Variants in ARHGAP28 observed in about 807,000 individuals in gnomAD.
The protein encoded by ARHGAP28 is rho GTPase-activating protein 28.
In ARHGAP28, 56 loss-of-function variants were observed where a neutral mutation model predicts 90.7. The observed-to-expected ratio is 0.62, with a 90% CI of 0.50 to 0.77. The LOEUF is 0.77. Among genes scored for constraint, ARHGAP28 ranks in the 30% least tolerant of loss-of-function variants. The pLI, the probability that ARHGAP28 is intolerant of heterozygous loss-of-function variation, is 0.00. For synonymous variants in ARHGAP28, 308 were observed against 323.3 expected (o/e 0.95, Z 0.51); for missense variants, 869 against 900.9 (o/e 0.96, Z 0.45).
chr18:6,756,209 G>T lies in ARHGAP28; in HGVS notation c.122+26266G>T, dbSNP rs75828487. Among the ~76,000 whole-genome samples the T allele has an allele frequency of 1.1e-3, 162 of 152,310 alleles. 1 individual carries two copies. The East Asian group carries it at 0.03, about 28-fold the overall frequency. ...ATGACTGCAATATAGATCTATGGAAGAGCCAACTATTCTTTTATTATATTC... is the reference window on the plus strand; with the variant it reads ...ATGACTGCAATATAGATCTATGGAATAGCCAACTATTCTTTTATTATATTC... On this transcript the variant is annotated intron_variant, in intron 1 of 17. Coordinates refer to ENST00000383472, the MANE Select transcript of ARHGAP28 (RefSeq NM_001366230.1).
At chr18:6,836,583 C>T (rs576494700) in intron 2 of ARHGAP28, among the ~76,000 whole-genome samples, 39 of 152,174 alleles carry the variant, frequency 2.6e-4, no homozygotes, top group South Asian at 1.0e-3. Context: ...AAGGCAGATA[C>T]CTGGATCTGC....
At chr18:6,772,519 A>G (rs907937734) in intron 1 of ARHGAP28, among the ~76,000 whole-genome samples, 1 of 152,200 alleles carries the variant, frequency 6.6e-6, no homozygotes, top group African/African-American at 2.4e-5. Context: ...TTTCACTTTC[A>G]GTACAGTATT....
intron 1 of ARHGAP28, chr18:6,730,199 A>G (rs1369885356): frequency 1.7e-5 from 5 of 286,578 alleles, no homozygotes; most frequent in Non-Finnish European, 3.1e-5. Flanking sequence ...CATTCTTGAT[A>G]CGATTTGAGG....
At position 6,837,335 on chromosome 18, in the gene ARHGAP28, C is replaced by T. The variant is rs1257158919; in HGVS notation, c.464C>T (p.Thr155Ile). The T allele has an allele frequency of 4.3e-6, 7 of 1,613,834 alleles. No homozygotes were observed. Among genetic ancestry groups the T allele is most frequent in the Non-Finnish European group, 5.9e-6 (7 of 1,179,970 alleles). ...GCTGCCGTGCAAAAGAGATACCATA[C>T]CTATACCCAAACCATGAGGAAAAAG... ...QAAAVQKRYH[T>I]YTQTMRKKDK... is the part of the protein sequence containing the mutation. The change falls in exon 3 of 18, where the codon ACC becomes ATC. Residue 155 changes from threonine to isoleucine, a missense_variant. By Grantham distance (89) the Thr-to-Ile change is moderately conservative. Coordinates refer to ENST00000383472, the MANE Select transcript of ARHGAP28 (RefSeq NM_001366230.1).
chr18:6,905,103 A>AT (rs1161632782), intron 16 of ARHGAP28, among the ~76,000 whole-genome samples: 3 of 152,054 alleles, frequency 2.0e-5, no homozygotes, highest in Non-Finnish European at 2.9e-5. Context: ...AAAAAAAGCC[A>AT]TAAAAAAAAA....
At chr18:6,732,492 T>C (rs1402215888) in intron 1 of ARHGAP28, among the ~76,000 whole-genome samples, 2 of 151,996 alleles carry the variant, frequency 1.3e-5, no homozygotes, top group Non-Finnish European at 2.9e-5. Flanking sequence ...GATTTTTAGC[T>C]AACCATTTAA....
intron 2 of ARHGAP28, among the ~76,000 whole-genome samples, chr18:6,833,656 A>G (rs1437867570): frequency 6.6e-6 from 1 of 152,174 alleles, no homozygotes; most frequent in Non-Finnish European, 1.5e-5. Flanking sequence ...GCATCCTGTC[A>G]GGTGGCTCAT....
At chr18:6,827,103 G>T (rs560892515) in intron 2 of ARHGAP28, among the ~76,000 whole-genome samples, 8 of 152,090 alleles carry the variant, frequency 5.3e-5, no homozygotes, top group African/African-American at 1.9e-4. Flanking sequence ...ACACAGACAC[G>T]GCAACCATCC....
At chr18:6,748,223 T>C (rs1041985797) in intron 1 of ARHGAP28, among the ~76,000 whole-genome samples, 1 of 152,128 alleles carries the variant, frequency 6.6e-6, no homozygotes, top group African/African-American at 2.4e-5. Flanking sequence ...TCAACAAATA[T>C]TCGGTTCAAC....
At chr18:6,815,612 C>T (rs907489456) in intron 1 of ARHGAP28, among the ~76,000 whole-genome samples, 3 of 152,102 alleles carry the variant, frequency 2.0e-5, no homozygotes, top group African/African-American at 7.2e-5. Context: ...CCATCTCTCC[C>T]TCCCTCAGAC....
chr18:6,875,064 T>C (rs1264158491), intron 9 of ARHGAP28: 1 of 152,182 alleles, frequency 6.6e-6, no homozygotes, highest in Admixed American at 6.6e-5. Context: ...GTCCTGTATG[T>C]AAAGGACAGA....
chr18:6,874,507 T>G (rs1055750752), intron 9 of ARHGAP28: 1 of 152,234 alleles, frequency 6.6e-6, no homozygotes, highest in African/African-American at 2.4e-5. Context: ...TATTCAACAG[T>G]GACATCCAGT....
At chr18:6,763,957 A>G (rs1417940889) in intron 1 of ARHGAP28, among the ~76,000 whole-genome samples, 4 of 152,194 alleles carry the variant, frequency 2.6e-5, no homozygotes, top group Non-Finnish European at 4.4e-5. Flanking sequence ...AGAATATGCT[A>G]TATCCAATCT....
intron 1 of ARHGAP28, among the ~76,000 whole-genome samples, chr18:6,770,721 T>C (rs7228467): frequency 0.12 from 17,836 of 152,062 alleles, 1,377 homozygotes; most frequent in South Asian, 0.21. Context: ...CTTTAATTAT[T>C]CAATTAAAAA....
intron 1 of ARHGAP28, among the ~76,000 whole-genome samples, chr18:6,763,152 G>A (rs879617729): frequency 1.3e-5 from 2 of 152,072 alleles, no homozygotes; most frequent in Non-Finnish European, 2.9e-5. Flanking sequence ...GTGCAGTGGC[G>A]TGATCTCGGC....
At chr18:6,911,669 C>G (rs141222139) in intron 17 of ARHGAP28, among the ~76,000 whole-genome samples, 15 of 152,230 alleles carry the variant, frequency 9.9e-5, no homozygotes, top group Admixed American at 4.6e-4. Flanking sequence ...CTCCTAACCT[C>G]AAGTGATCCA....
Position 6,851,168 on chromosome 18 carries a change from A to G in ARHGAP28, c.636+42A>G, listed in dbSNP as rs201125569. ...GGGGGATGGTGGTAGGCATGAAATAAGCCATTTCTTCAAGATGGTTGAGCA... is the reference window on the plus strand; with the variant it reads ...GGGGGATGGTGGTAGGCATGAAATAGGCCATTTCTTCAAGATGGTTGAGCA... On this transcript the variant is annotated intron_variant, in intron 4 of 17. Coordinates refer to ENST00000383472, the MANE Select transcript of ARHGAP28 (RefSeq NM_001366230.1). 2.4e-4 allele frequency: 371 copies of G among 1,572,416 alleles called. 4 individuals carry two copies. The Middle Eastern group carries it at 6.6e-3, about 28-fold the overall frequency.
At chr18:6,791,319 C>A (rs2056404819) in intron 1 of ARHGAP28, 1 of 152,124 alleles carries the variant, frequency 6.6e-6, no homozygotes, top group African/African-American at 2.4e-5. Context: ...TTGGATTGTG[C>A]CCACCAGATT....
chr18:6,909,000 TTA>T lies in ARHGAP28; in HGVS notation c.2075_2076del (p.Tyr692Ter). On this transcript the variant is annotated frameshift_variant, in exon 17 of 18. Coordinates refer to ENST00000383472, the MANE Select transcript of ARHGAP28 (RefSeq NM_001366230.1). LOFTEE classifies it high-confidence loss of function. ...SECIKIQNQRLYEIGGNIGEH... is the reference protein window; with the variant it reads ...SECIKIQNQRXYEIGGNIGEH... ...ATGTATTAAGATTCAGAACCAAAGG[TTA>T]TATGAAATTGGAGGAAATATAGGTA... 6.5e-7 allele frequency: 1 copy of T among 1,535,050 alleles called. No homozygotes were observed. Among genetic ancestry groups the T allele is most frequent in the Non-Finnish European group, 9.0e-7 (1 of 1,113,120 alleles).
Sources: gnomAD v4.1 joint callset for allele counts (sites outside exome capture counted in the v4.1 genomes callset) on GRCh38, gnomAD v4.1.1 for gene constraint, MANE v1.5 for transcripts, NCBI Gene and HGNC (gene_info 2026-07-23, HGNC 2026-07-21) for gene names.